Variants in ZBTB7C observed in about 807,000 individuals in gnomAD.
The protein encoded by ZBTB7C is zinc finger and BTB domain containing 7C, also known as zinc finger and BTB domain-containing protein 7C.
ZBTB7C carries 8 observed loss-of-function variants against 25.7 expected under a neutral mutation model. The observed-to-expected ratio is 0.31, with a 90% CI of 0.18 to 0.56. The LOEUF is 0.56. ZBTB7C is among the 20% of genes least tolerant of loss of function. ZBTB7C has a pLI of 0.91. For missense variants in ZBTB7C, 824 were observed against 855.2 expected (o/e 0.96, Z 0.46); for synonymous variants, 394 against 369.0 (o/e 1.07, Z -0.78).
At chr18:48,052,062 T>A (rs886163332) in intron 3 of ZBTB7C, among the ~76,000 whole-genome samples, 1 of 152,232 alleles carries the variant, frequency 6.6e-6, no homozygotes, top group African/African-American at 2.4e-5. Context: ...TATTAAACCT[T>A]ATTAAACCAC....
intron 3 of ZBTB7C, among the ~76,000 whole-genome samples, chr18:48,108,499 C>A (rs538228130): frequency 6.6e-6 from 1 of 152,088 alleles, no homozygotes; most frequent in African/African-American, 2.4e-5. Flanking sequence ...GTGGCACAAT[C>A]GTAGCTCACT....
At chr18:48,139,324 G>A (rs555218225) in intron 3 of ZBTB7C, among the ~76,000 whole-genome samples, 5 of 152,238 alleles carry the variant, frequency 3.3e-5, no homozygotes, top group African/African-American at 1.2e-4. Context: ...GAGAGTGCAG[G>A]GCAGAGCCTT....
chr18:48,364,934 T>G (rs1191155481), intron 1 of ZBTB7C, among the ~76,000 whole-genome samples: 1 of 152,208 alleles, frequency 6.6e-6, no homozygotes, highest in Non-Finnish European at 1.5e-5. Context: ...CACAGTTTGC[T>G]GGGCCCCACT....
chr18:48,380,873 C>T (rs7228140), intron 1 of ZBTB7C, among the ~76,000 whole-genome samples: 134,617 of 152,216 alleles, frequency 0.88, 60,130 homozygotes, highest in Non-Finnish European at 0.96. Context: ...CTCTGAACTA[C>T]CATCACAATA....
chr18:48,172,224 A>G (rs1212805911), intron 3 of ZBTB7C, among the ~76,000 whole-genome samples: 1 of 152,200 alleles, frequency 6.6e-6, no homozygotes, highest in African/African-American at 2.4e-5. Context: ...CTAAGGACGC[A>G]TTGAGGATGG....
At chr18:48,070,553 C>T (rs1354689737) in intron 3 of ZBTB7C, among the ~76,000 whole-genome samples, 2 of 152,224 alleles carry the variant, frequency 1.3e-5, no homozygotes, top group Non-Finnish European at 2.9e-5. Context: ...GTGGGTGCCA[C>T]ACCTTTTCCA....
At chr18:48,108,600 A>G (rs2039120249) in intron 3 of ZBTB7C, among the ~76,000 whole-genome samples, 1 of 151,706 alleles carries the variant, frequency 6.6e-6, no homozygotes, top group Non-Finnish European at 1.5e-5. Context: ...TGCCCAGCTA[A>G]TTTTCTTATT....
At chr18:48,133,533 A>G (rs1192401042) in intron 3 of ZBTB7C, among the ~76,000 whole-genome samples, 2 of 152,158 alleles carry the variant, frequency 1.3e-5, no homozygotes, top group Non-Finnish European at 2.9e-5. Context: ...CAGTATTCAA[A>G]TTTATTAAGC....
At chr18:48,128,820 G>A (rs892759172) in intron 3 of ZBTB7C, among the ~76,000 whole-genome samples, 11 of 152,044 alleles carry the variant, frequency 7.2e-5, no homozygotes, top group Non-Finnish European at 1.0e-4. Flanking sequence ...TAATTCAGCC[G>A]TGTAACCAAA....
chr18:48,359,647 GGT>G (rs1426818872), intron 1 of ZBTB7C, among the ~76,000 whole-genome samples: 1 of 152,184 alleles, frequency 6.6e-6, no homozygotes, highest in African/African-American at 2.4e-5. Flanking sequence ...AAAAGCTGGT[GGT>G]GTTAGTTCTG....
chr18:48,179,334 C>T (rs997404809), intron 3 of ZBTB7C, among the ~76,000 whole-genome samples: 64 of 152,252 alleles, frequency 4.2e-4, no homozygotes, highest in Middle Eastern at 3.4e-3. Context: ...GCCTGGTGGC[C>T]GAGTTACACA....
chr18:48,262,736 C>T (rs889583091), intron 2 of ZBTB7C, among the ~76,000 whole-genome samples: 3 of 152,178 alleles, frequency 2.0e-5, no homozygotes, highest in African/African-American at 7.2e-5. Flanking sequence ...ACTGCATGTC[C>T]GTGTCACTCC....
chr18:48,295,612 G>A (rs1464184084), intron 2 of ZBTB7C, among the ~76,000 whole-genome samples: 3 of 152,098 alleles, frequency 2.0e-5, no homozygotes, highest in Non-Finnish European at 4.4e-5. Context: ...CCACACACAA[G>A]CAACTCTTGG....
intron 3 of ZBTB7C, among the ~76,000 whole-genome samples, chr18:48,087,095 T>C (rs374981688): frequency 1.2e-4 from 18 of 152,286 alleles, no homozygotes; most frequent in Admixed American, 7.2e-4. Flanking sequence ...TGCACATAGT[T>C]AGTAGGAGAG....
intron 3 of ZBTB7C, among the ~76,000 whole-genome samples, chr18:48,105,385 C>T (rs1389758502): frequency 6.6e-6 from 1 of 152,186 alleles, no homozygotes; most frequent in Non-Finnish European, 1.5e-5. Flanking sequence ...AATCTCAGTG[C>T]TTCTCAACAG....
chr18:48,364,897 T>G (rs748536727), intron 1 of ZBTB7C, among the ~76,000 whole-genome samples: 1 of 152,196 alleles, frequency 6.6e-6, no homozygotes, highest in Non-Finnish European at 1.5e-5. Context: ...GGAGCATGTA[T>G]CAGAATTACC....
chr18:48,048,827 ATCT>A (rs1310805741), intron 3 of ZBTB7C, among the ~76,000 whole-genome samples: 1 of 152,122 alleles, frequency 6.6e-6, no homozygotes, highest in Admixed American at 6.5e-5. Context: ...GAGCATCACC[ATCT>A]TCTAAGGTTT....
At chr18:48,036,956 A>G (rs973821119) in intron 4 of ZBTB7C, among the ~76,000 whole-genome samples, 7 of 152,164 alleles carry the variant, frequency 4.6e-5, no homozygotes, top group Admixed American at 4.6e-4. Context: ...AGTTCCAGAG[A>G]TGGGGTGAGA....
chr18:48,162,991 ACTG>A (rs2041119310), intron 3 of ZBTB7C, among the ~76,000 whole-genome samples: 1 of 152,138 alleles, frequency 6.6e-6, no homozygotes, highest in Non-Finnish European at 1.5e-5. Context: ...GGAGAATGAA[ACTG>A]CTAAGGGTGG....
Sources: gnomAD v4.1 joint callset for allele counts (sites outside exome capture counted in the v4.1 genomes callset) on GRCh38, gnomAD v4.1.1 for gene constraint, MANE v1.5 for transcripts, NCBI Gene and HGNC (gene_info 2026-07-23, HGNC 2026-07-21) for gene names.